Variants in ACSF2 observed in about 807,000 individuals in gnomAD.
ACSF2 encodes the protein medium-chain acyl-CoA ligase ACSF2, mitochondrial.
A neutral mutation model predicts 79.3 loss-of-function variants in ACSF2; 52 were observed. The ratio of observed to expected loss-of-function variants is 0.66; its 90% CI spans 0.53 to 0.83. The LOEUF is 0.83. ACSF2 is among the 40% of genes least tolerant of loss of function. ACSF2 has a pLI of 0.00. For synonymous variants in ACSF2, 283 were observed against 312.6 expected, an observed-to-expected ratio of 0.91 and a Z score of 1.00; for missense variants, 661 against 803.3, an observed-to-expected ratio of 0.82 and a Z score of 2.14.
In ACSF2 at chr17:50,471,217, A is replaced by G; in HGVS notation, c.1323+82A>G. 2 of 1,177,568 alleles carry G rather than the reference A, an allele frequency of 1.7e-6. No homozygotes were observed. The highest frequency in any genetic ancestry group is 1.8e-5 in the Admixed American group (1 of 55,410). 72.9% of individuals were successfully genotyped at this position (1,177,568 alleles called of 1,614,324 possible). On this transcript the variant is annotated intron_variant, in intron 11 of 15. Transcript: ENST00000300441. This position sits in a 1 kb window ranked among gnomAD's most constrained non-coding sequence, Gnocchi z 4.1. ...CCCAGCTGGGACATCGGTTGCTTTC[A>G]GTGAGAGAGTCAAATGGCTCACTCA...
chr17:50,467,098 G>A (rs771628964), intron 10 of ACSF2, among the ~76,000 whole-genome samples: 1 of 152,220 alleles, frequency 6.6e-6, no homozygotes, highest in Non-Finnish European at 1.5e-5. Flanking sequence ...CCTCCTGGCT[G>A]AAGCCCCTGT....
chr17:50,464,257 G>A lies in ACSF2; in HGVS notation c.1178G>A (p.Arg393Gln), dbSNP rs749125979. Reference sequence around the variant, plus strand: ...TCCCCTGCACCTCCAGAGTTGATCCGAGCCATCATCAACAAGATAAATATG... The same window carrying A: ...TCCCCTGCACCTCCAGAGTTGATCCAAGCCATCATCAACAAGATAAATATG... ...AGSPAPPELI[R>Q]AIINKINMKD... The change falls in exon 10 of 16, where the codon CGA becomes CAA. Residue 393 changes from arginine (R) to glutamine (Q), a missense_variant. Transcript: ENST00000300441. 8.7e-6 allele frequency: 14 copies of A among 1,614,102 alleles called. No individual in the cohort carries two copies. The highest frequency in any genetic ancestry group is 1.1e-5 in the South Asian group (1 of 91,074).
intron 1 of ACSF2, among the ~76,000 whole-genome samples, chr17:50,427,956 C>T (rs1050274253): frequency 6.6e-6 from 1 of 152,142 alleles, no homozygotes; most frequent in Admixed American, 6.5e-5. Flanking sequence ...CCCTTCCACT[C>T]CCTTGTGCCT....
At chr17:50,469,053 G>T (rs1296500474) in intron 10 of ACSF2, 1 of 1,304,088 alleles carries the variant, frequency 7.7e-7, no homozygotes, top group Non-Finnish European at 9.7e-7. Context: ...CGGCTACCGT[G>T]CATGAGGGGG....
At chr17:50,432,409 A>G (rs144999562) in intron 1 of ACSF2, among the ~76,000 whole-genome samples, 179 of 152,330 alleles carry the variant, frequency 1.2e-3, no homozygotes, top group East Asian at 6.4e-3. Flanking sequence ...GGCCCACAGT[A>G]TAGTAACTGT....
chr17:50,434,695 A>ATT (rs879273965), intron 1 of ACSF2, among the ~76,000 whole-genome samples: 1 of 143,904 alleles, frequency 6.9e-6, no homozygotes, highest in African/African-American at 2.5e-5. Context: ...CAAAAAAATA[A>ATT]TTTTTTTTTT....
At chr17:50,469,050 C>A (rs961374829) in intron 10 of ACSF2, 8 of 1,307,262 alleles carry the variant, frequency 6.1e-6, no homozygotes, top group African/African-American at 3.1e-5. Context: ...AGCCGGCTAC[C>A]GTGCATGAGG....
chr17:50,470,386 GA>G (rs2033054226), intron 10 of ACSF2, among the ~76,000 whole-genome samples: 1 of 152,048 alleles, frequency 6.6e-6, no homozygotes, highest in Non-Finnish European at 1.5e-5. Context: ...CCAACCACTG[GA>G]AATGGGGGAG....
chr17:50,448,776 G>C (rs2031460320), intron 1 of ACSF2, among the ~76,000 whole-genome samples: 2 of 152,162 alleles, frequency 1.3e-5, no homozygotes. Context: ...CATTTTGTGT[G>C]TGTGTGTAAG....
intron 10 of ACSF2, chr17:50,468,177 C>T: frequency 1.2e-6 from 2 of 1,614,150 alleles, no homozygotes; most frequent in Non-Finnish European, 1.7e-6. Context: ...CTCAGGGCAG[C>T]TGAGGGGTAG....
intron 1 of ACSF2, among the ~76,000 whole-genome samples, chr17:50,435,791 G>GTTT (rs879568960): frequency 1.4e-5 from 2 of 144,760 alleles, no homozygotes; most frequent in African/African-American, 5.1e-5. Context: ...AGTTTAGTGA[G>GTTT]TTTTTTTTTT....
In ACSF2 at chr17:50,473,765, G is replaced by A. The variant is rs571347004; in HGVS notation, c.1576G>A (p.Glu526Lys). 2.6e-5 allele frequency: 42 copies of A among 1,614,214 alleles called. No individual in the cohort carries two copies. The highest frequency in any genetic ancestry group is 3.2e-5 in the Non-Finnish European group (38 of 1,180,042). The change falls in exon 13 of 16, where the codon GAG (glutamate) becomes AAG (lysine). Residue 526 changes from glutamate to lysine, a missense_variant. By Grantham distance (56) the Glu-to-Lys change is moderately conservative (BLOSUM62 1). Coordinates refer to ENST00000300441, the MANE Select transcript of ACSF2 (RefSeq NM_025149.6). The part of the protein sequence containing the change: ...GGENIYPAEL[E>K]DFFHTHPKVQ... ...TGAGAACATCTACCCCGCAGAGCTC[G>A]AGGACTTCTTTCACACACACCCGAA... is the stretch of plus-strand genomic sequence containing the variant.
At chr17:50,468,480 G>C (rs1472256783) in intron 10 of ACSF2, 18 of 1,614,248 alleles carry the variant, frequency 1.1e-5, no homozygotes, top group Non-Finnish European at 1.4e-5. Context: ...CGCAGCACGC[G>C]GATGTCGTTA....
chr17:50,446,374 C>T (rs1363363401), intron 1 of ACSF2, among the ~76,000 whole-genome samples: 4 of 152,112 alleles, frequency 2.6e-5, no homozygotes, highest in Non-Finnish European at 5.9e-5. Context: ...TCTCCTGCCT[C>T]AGCCTCCTGA....
chr17:50,470,306 C>T (rs1267433581), intron 10 of ACSF2: 1 of 152,240 alleles, frequency 6.6e-6, no homozygotes, highest in Non-Finnish European at 1.5e-5. Flanking sequence ...CATACTTGGC[C>T]TAGACCATTC....
At chr17:50,433,680 G>A (rs898541065) in intron 1 of ACSF2, among the ~76,000 whole-genome samples, 4 of 152,080 alleles carry the variant, frequency 2.6e-5, no homozygotes, top group African/African-American at 7.2e-5. Context: ...GTGCAGTGGC[G>A]TGATCACGGC....
intron 1 of ACSF2, among the ~76,000 whole-genome samples, chr17:50,429,720 G>A (rs988186843): frequency 6.6e-6 from 1 of 152,082 alleles, no homozygotes; most frequent in African/African-American, 2.4e-5. Context: ...GTTTCACCAT[G>A]TTGGTCAGAC....
Position 50,473,796 on chromosome 17 carries a change from A to C in ACSF2, c.1607A>C (p.Gln536Pro). 1 of 1,614,256 alleles carries C rather than the reference A, an allele frequency of 6.2e-7. No homozygotes were observed. The highest frequency in any genetic ancestry group is 8.5e-7 in the Non-Finnish European group (1 of 1,180,042). The change falls in exon 13 of 16, where the codon CAG becomes CCG. Residue 536 changes from glutamine to proline, a missense_variant. By Grantham distance (76) the Gln-to-Pro change is moderately conservative (BLOSUM62 -1). Coordinates refer to ENST00000300441, the MANE Select transcript of ACSF2 (RefSeq NM_025149.6). ...EDFFHTHPKV[Q>P]EVQVVGVKDD... ...TTCTTTCACACACACCCGAAGGTGCAGGAAGTGCAGGTGAGGCACTTGGCT... is the reference window on the plus strand; with the variant it reads ...TTCTTTCACACACACCCGAAGGTGCCGGAAGTGCAGGTGAGGCACTTGGCT...
chr17:50,461,820 G>A (rs1350409928), intron 4 of ACSF2, 134 bp downstream of exon 4: 4 of 1,193,868 alleles, frequency 3.4e-6, no homozygotes, highest in Admixed American at 2.0e-5. Flanking sequence ...CCTTCCTTAG[G>A]CCATGTGTGA....
Sources: allele counts gnomAD v4.1 joint callset (sites outside exome capture counted in the v4.1 genomes callset), GRCh38; gene constraint gnomAD v4.1.1; non-coding constraint Gnocchi (gnomAD v3.1); transcripts MANE v1.5; gene names NCBI Gene and HGNC (gene_info 2026-07-23, HGNC 2026-07-21).